The following ZDHHC5 variants were observed in gnomAD, a reference collection of about 807,000 sequenced individuals.
ZDHHC5 encodes zDHHC palmitoyltransferase 5.
In ZDHHC5, 22 loss-of-function variants were observed where a neutral mutation model predicts 70.0. The ratio of observed to expected loss-of-function variants is 0.31; its 90% confidence interval spans 0.22 to 0.45. ZDHHC5 has a LOEUF of 0.45. Ranked by LOEUF, ZDHHC5 falls within the 20% of genes least tolerant of loss-of-function variation. The probability of loss-of-function intolerance (pLI) is 1.00; values close to 1 mark genes in which losing one functional copy is unlikely to be tolerated. For missense variants in ZDHHC5, 746 were observed against 926.9 expected (o/e 0.80, Z 2.53); for synonymous variants, 313 against 347.8 (o/e 0.90, Z 1.11).
intron 1 of ZDHHC5, among the ~76,000 whole-genome samples, chr11:57,670,335 G>T (rs59625212): frequency 6.6e-6 from 1 of 152,168 alleles, no homozygotes; most frequent in African/African-American, 2.4e-5. Flanking sequence ...GCTGGGTGTG[G>T]TGGTGCCCTC....
chr11:57,669,277 G>T (rs941943683), intron 1 of ZDHHC5, among the ~76,000 whole-genome samples: 1 of 151,958 alleles, frequency 6.6e-6, no homozygotes, highest in African/African-American at 2.4e-5. Flanking sequence ...CTGTTACACC[G>T]CTTATTTCAA....
At chr11:57,699,442 C>T in intron 11 of ZDHHC5, 24 bp downstream of exon 11, 1 of 1,524,406 alleles carries the variant, frequency 6.6e-7, no homozygotes, top group East Asian at 2.3e-5. Context: ...CTATCCTGAC[C>T]CTTAGCCAAT....
Position 57,698,606 on chromosome 11 carries a change from C to G in ZDHHC5, c.1170C>G (p.Ser390Arg). Residue 390 changes from serine to arginine, a missense_variant, in exon 11 of 12, where the codon AGC becomes AGG. Physicochemically the swap from Ser to Arg is moderately radical, Grantham distance 110. This residue lies in a region of ZDHHC5 where 179 missense variants were observed against 178.4 expected (regional missense o/e 1.00). Transcript: ENST00000287169. ...AGGAGCCAACCTCAATTGCAGAGAG[C>G]AGCCGTCACCCCAGCTACCGCTCAG... Reference protein sequence around the residue: ...SLKEPTSIAESSRHPSYRSEP... With the variant: ...SLKEPTSIAERSRHPSYRSEP... 1 of 1,613,336 alleles carries G rather than the reference C, an allele frequency of 6.2e-7. No homozygotes were observed. Among genetic ancestry groups the G allele is most frequent in the Non-Finnish European group, 8.5e-7 (1 of 1,179,562 alleles).
rs369432622 is a variant in ZDHHC5 at position 57,688,461 on chromosome 11, C to G, written c.227-47C>G. On this transcript the variant is annotated intron_variant, in intron 3 of 11. Transcript: ENST00000287169. ...AACATCATTGAATCCCTAGCACTTA[C>G]TACAGTTCTGGCATAGTTGTTTTTA... 1.1e-3 allele frequency: 1,631 copies of G among 1,491,586 alleles called. 1 individual carries two copies. The highest frequency in any genetic ancestry group is 1.3e-3 in the Non-Finnish European group (1,470 of 1,117,558). The allele number at this position is 1,491,586 out of a possible 1,614,324, so 92.4% of individuals were successfully genotyped here.
chr11:57,696,358 G>A (rs183320079), intron 9 of ZDHHC5, among the ~76,000 whole-genome samples: 19 of 152,234 alleles, frequency 1.2e-4, no homozygotes, highest in African/African-American at 3.9e-4. Context: ...TGATTTCAGC[G>A]AAGGGTATAT....
intron 2 of ZDHHC5, among the ~76,000 whole-genome samples, chr11:57,674,239 C>T (rs921461244): frequency 2.6e-5 from 4 of 151,840 alleles, no homozygotes; most frequent in African/African-American, 9.7e-5. Flanking sequence ...GCATCATTCT[C>T]ACTTTGATCT....
At position 57,690,322 on chromosome 11, in the gene ZDHHC5, T is replaced by A; in HGVS notation, c.558-13T>A. 6.2e-7 allele frequency: 1 copy of A among 1,614,110 alleles called. No homozygotes were observed. Among genetic ancestry groups the A allele is most frequent in the Non-Finnish European group, 8.5e-7 (1 of 1,180,024 alleles). On this transcript the variant is annotated splice_polypyrimidine_tract_variant and intron_variant, in intron 5 of 11. Coordinates refer to ENST00000287169, the MANE Select transcript of ZDHHC5 (RefSeq NM_015457.3). Reference sequence around the variant, plus strand: ...GTCATGTTGCTCTGTTCTCCTTGATTGTTTGGCATCAGAATGGCAGTAATG... The same window carrying A: ...GTCATGTTGCTCTGTTCTCCTTGATAGTTTGGCATCAGAATGGCAGTAATG...
chr11:57,672,487 CAAA>C lies in ZDHHC5; in HGVS notation c.-603_-601del. ...CATTGAGAAGACTACCTAAAAGAGA[CAAA>C]GACTGCAGTAAACAAAGCTCCTCTT... On this transcript the variant is annotated 5_prime_UTR_variant, in exon 2 of 12. Coordinates refer to ENST00000287169, the MANE Select transcript of ZDHHC5 (RefSeq NM_015457.3). 2.7e-6 allele frequency: 1 copy of C among 364,866 alleles called. No homozygotes were observed. Among genetic ancestry groups the C allele is most frequent in the Non-Finnish European group, 4.9e-6 (1 of 205,558 alleles). 22.6% of individuals were successfully genotyped at this position (364,866 alleles called of 1,614,324 possible). A position where few individuals can be genotyped will look rare whatever the true frequency, so the allele number is the denominator to read the frequency against.
chr11:57,687,943 G>T (rs1163705766), intron 3 of ZDHHC5, among the ~76,000 whole-genome samples: 1 of 151,564 alleles, frequency 6.6e-6, no homozygotes, highest in Non-Finnish European at 1.5e-5. Flanking sequence ...GCTAATTTTT[G>T]TGTTTTTAGT....
chr11:57,692,015 G>A (rs1946291768), intron 6 of ZDHHC5, among the ~76,000 whole-genome samples: 1 of 151,514 alleles, frequency 6.6e-6, no homozygotes, highest in Admixed American at 6.6e-5. Flanking sequence ...TTGAGACAGA[G>A]TATCGCTTTG....
intron 2 of ZDHHC5, among the ~76,000 whole-genome samples, chr11:57,674,642 A>G (rs1323480594): frequency 1.3e-5 from 2 of 152,222 alleles, no homozygotes; most frequent in Admixed American, 6.5e-5. Flanking sequence ...GCAATTATAC[A>G]CAAGTTAAAT....
chr11:57,685,677 T>G (rs1318704481), intron 3 of ZDHHC5, among the ~76,000 whole-genome samples: 1 of 151,864 alleles, frequency 6.6e-6, no homozygotes, highest in Non-Finnish European at 1.5e-5. Context: ...AATAAAAAGG[T>G]CATTCCTTTC....
At chr11:57,680,213 T>C (rs1173995324) in intron 2 of ZDHHC5, among the ~76,000 whole-genome samples, 3 of 152,146 alleles carry the variant, frequency 2.0e-5, no homozygotes, top group Non-Finnish European at 4.4e-5. Flanking sequence ...GGTGAAACCC[T>C]GTCTCTACAA....
chr11:57,682,681 G>T, intron 3 of ZDHHC5, 138 bp downstream of exon 3: 2 of 1,104,426 alleles, frequency 1.8e-6, no homozygotes, highest in Non-Finnish European at 2.4e-6. Flanking sequence ...ATACGCAGTT[G>T]ATCTTGGGCC....
intron 2 of ZDHHC5, among the ~76,000 whole-genome samples, chr11:57,681,186 A>G (rs1289665391): frequency 6.6e-6 from 1 of 152,146 alleles, no homozygotes; most frequent in African/African-American, 2.4e-5. Flanking sequence ...AGTTCCTCCA[A>G]ACTGCTCTGA....
chr11:57,700,065 G>A lies in ZDHHC5; in HGVS notation c.*34G>A, dbSNP rs747814809. The A allele has an allele frequency of 1.6e-5, 25 of 1,527,486 alleles. No homozygotes were observed. The highest frequency in any genetic ancestry group is 4.2e-5 in the African/African-American group (3 of 72,098). 94.6% of individuals were successfully genotyped at this position (1,527,486 alleles called of 1,614,324 possible). On this transcript the variant is annotated 3_prime_UTR_variant, in exon 12 of 12. Coordinates refer to ENST00000287169, the MANE Select transcript of ZDHHC5 (RefSeq NM_015457.3). Reference sequence around the variant, plus strand: ...CACCTCCCCTCCCCAACGCCTCTGCGCCTACACCAAAGGGCCCCAGGTGGC... The same window carrying A: ...CACCTCCCCTCCCCAACGCCTCTGCACCTACACCAAAGGGCCCCAGGTGGC...
intron 2 of ZDHHC5, among the ~76,000 whole-genome samples, chr11:57,676,008 C>G (rs1233847643): frequency 1.3e-5 from 2 of 152,174 alleles, no homozygotes. Context: ...CTACAACTAG[C>G]TACATTATTA....
intron 3 of ZDHHC5, among the ~76,000 whole-genome samples, chr11:57,687,046 G>T (rs2135392591): frequency 6.6e-6 from 1 of 151,514 alleles, no homozygotes; most frequent in African/African-American, 2.4e-5. Flanking sequence ...GGCCAGGCTG[G>T]TCTTGAACTC....
intron 3 of ZDHHC5, among the ~76,000 whole-genome samples, chr11:57,686,851 G>A (rs1946214169): frequency 7.0e-6 from 1 of 142,352 alleles, no homozygotes; most frequent in Non-Finnish European, 1.5e-5. Context: ...TTTTTTTCCA[G>A]ACAGTGTCTT....
Sources: gnomAD v4.1 joint callset for allele counts (sites outside exome capture counted in the v4.1 genomes callset) on GRCh38, gnomAD v4.1.1 for gene constraint, gnomAD v4.1.1 regional missense constraint, MANE v1.5 for transcripts, NCBI Gene and HGNC (gene_info 2026-07-23, HGNC 2026-07-21) for gene names.